PTDSS1: variants seen among roughly 807,000 people sequenced by gnomAD.
The protein encoded by PTDSS1 is phosphatidylserine synthase 1.
Under a neutral mutation model 70.5 loss-of-function variants are expected in PTDSS1, and 45 were observed. The ratio of observed to expected loss-of-function variants is 0.64; its 90% CI spans 0.50 to 0.82. PTDSS1 has a LOEUF of 0.82. Ranked by LOEUF, PTDSS1 falls within the 40% of genes least tolerant of loss-of-function variation. The probability of loss-of-function intolerance (pLI) is 0.00; values close to 1 mark genes in which losing one functional copy is unlikely to be tolerated. For synonymous variants in PTDSS1, 188 were observed against 203.8 expected (o/e 0.92, Z 0.66); for missense variants, 417 against 586.1 (o/e 0.71, Z 2.98).
chr8:96,323,822 T>C (rs1811403907), intron 10 of PTDSS1, among the ~76,000 whole-genome samples: 2 of 152,250 alleles, frequency 1.3e-5, no homozygotes, highest in South Asian at 4.1e-4. Context: ...CCTTAGTGTT[T>C]GGAATATGCT....
At chr8:96,266,005 A>G (rs184052868) in intron 1 of PTDSS1, among the ~76,000 whole-genome samples, 1 of 152,380 alleles carries the variant, frequency 6.6e-6, no homozygotes, top group East Asian at 1.9e-4. Flanking sequence ...TAGGGCAAGG[A>G]AAACTTTTGT....
At chr8:96,312,627 G>A (rs771827288) in intron 9 of PTDSS1, among the ~76,000 whole-genome samples, 8 of 152,114 alleles carry the variant, frequency 5.3e-5, no homozygotes, top group African/African-American at 9.7e-5. Flanking sequence ...GAGAACTCCC[G>A]GAACAGTGTG....
intron 8 of PTDSS1, 181 bp from the exon 9 acceptor site, chr8:96,309,376 T>C (rs1280477949): frequency 4.0e-6 from 2 of 505,052 alleles, no homozygotes; most frequent in Non-Finnish European, 7.1e-6. Context: ...ACCCAAACGC[T>C]GAATCTCTTA....
At chr8:96,306,350 C>A in intron 7 of PTDSS1, 94 bp from the exon 8 acceptor site, 1 of 924,060 alleles carries the variant, frequency 1.1e-6, no homozygotes, top group Non-Finnish European at 1.7e-6. Context: ...TTGAACATAC[C>A]AATTATTTCT....
At chr8:96,303,387 T>G (rs1322436260) in intron 6 of PTDSS1, among the ~76,000 whole-genome samples, 1 of 152,320 alleles carries the variant, frequency 6.6e-6, no homozygotes, top group East Asian at 1.9e-4. Context: ...TGCTTGTGCC[T>G]CCAACCACTT....
intron 4 of PTDSS1, among the ~76,000 whole-genome samples, chr8:96,292,194 G>A (rs1468479276): frequency 2.6e-5 from 4 of 150,950 alleles, no homozygotes; most frequent in African/African-American, 7.3e-5. Context: ...CAGCTACTCG[G>A]GAGGCTGAGA....
At chr8:96,306,796 G>T (rs1586200572) in intron 8 of PTDSS1, among the ~76,000 whole-genome samples, 2 of 152,170 alleles carry the variant, frequency 1.3e-5, no homozygotes, top group African/African-American at 4.8e-5. Context: ...ATTATTATCA[G>T]ATTCCTTTAC....
rs1157784907 is a variant in PTDSS1 at position 96,320,405 on chromosome 8, G to A, written c.1173+60G>A. On this transcript the variant is annotated intron_variant, in intron 10 of 12. Transcript: ENST00000517309. The stretch of plus-strand genomic sequence containing the variant: ...AAACTCTCATAGTATCACTTTAAAC[G>A]GAGGGGGGCAAAGAAACCCTCTTGT... 14 of 1,394,356 alleles carry A rather than the reference G, an allele frequency of 1.0e-5. No individual in the cohort carries two copies. In the South Asian group the frequency reaches 1.1e-4, roughly 11 times the overall value. The allele number at this position is 1,394,356 out of a possible 1,614,324, so 86.4% of individuals were successfully genotyped here. A position where few individuals can be genotyped will look rare whatever the true frequency, so the allele number is the denominator to read the frequency against.
At chr8:96,317,477 G>C (rs1811311731) in intron 9 of PTDSS1, among the ~76,000 whole-genome samples, 1 of 152,160 alleles carries the variant, frequency 6.6e-6, no homozygotes, top group Non-Finnish European at 1.5e-5. Context: ...GCTCATACCT[G>C]TAATCCTAGC....
chr8:96,311,029 G>A (rs773001261), intron 9 of PTDSS1, among the ~76,000 whole-genome samples: 13 of 152,160 alleles, frequency 8.5e-5, no homozygotes, highest in Non-Finnish European at 1.6e-4. Context: ...GCCTCCCAAA[G>A]TGCTGGGATT....
At position 96,287,039 on chromosome 8, in the gene PTDSS1, T is replaced by G. The variant is rs1275425796; in HGVS notation, c.334T>G (p.Phe112Val). 1 of 1,614,104 alleles carries G rather than the reference T, an allele frequency of 6.2e-7. No individual in the cohort carries two copies. The highest frequency in any genetic ancestry group is 2.2e-5 in the East Asian group (1 of 44,880). ...RMVFGLSVLY[F>V]LFLVFLLFLN... ...TCTCTCAGGACTCAGTGTGCTCTAC[T>G]TCCTGTTCCTGGTATTCCTACTCTT... Residue 112 changes from phenylalanine (F) to valine (V), a missense_variant, in exon 4 of 13, where the codon TTC becomes GTC. This residue lies in a region of PTDSS1 where 272 missense variants were observed against 429.5 expected (regional missense o/e 0.63). Coordinates refer to ENST00000517309, the MANE Select transcript of PTDSS1 (RefSeq NM_014754.3).
At chr8:96,288,328 A>C (rs1346986314) in intron 4 of PTDSS1, among the ~76,000 whole-genome samples, 2 of 152,026 alleles carry the variant, frequency 1.3e-5, no homozygotes, top group Non-Finnish European at 2.9e-5. Flanking sequence ...TCGCATAGGC[A>C]TGATCTTTTT....
intron 5 of PTDSS1, 109 bp downstream of exon 5, chr8:96,295,365 G>A (rs551563502): frequency 5.8e-6 from 7 of 1,215,836 alleles, no homozygotes; most frequent in East Asian, 2.8e-5. Context: ...CAGCCCCTGT[G>A]GTACAAAACA....
rs115532941 is a variant in PTDSS1, at chr8:96,293,087, C to G, written c.442-2011C>G. On this transcript the variant is annotated intron_variant, in intron 4 of 12. Coordinates refer to ENST00000517309, the MANE Select transcript of PTDSS1 (RefSeq NM_014754.3). ...TCTTCCCACCTCCTGCCCCAGACAC[C>G]CTTACACACATGCATGCACGTTCCG... Among the ~76,000 whole-genome samples the G allele has an allele frequency of 4.8e-3, 727 of 152,306 alleles. 2 individuals are homozygous for G. The highest frequency in any genetic ancestry group is 0.014 in the African/African-American group (582 of 41,570).
intron 2 of PTDSS1, among the ~76,000 whole-genome samples, chr8:96,274,082 A>C (rs1024921471): frequency 6.6e-6 from 1 of 151,204 alleles, no homozygotes; most frequent in Non-Finnish European, 1.5e-5. Context: ...TTTCCACTAG[A>C]ATATTCTCTA....
Position 96,299,771 on chromosome 8 carries a change from T to C in PTDSS1, c.678T>C (p.Asn226=), listed in dbSNP as rs1322766805. The change falls in exon 6 of 13, where the codon AAT becomes AAC. Residue 226 remains asparagine, a synonymous_variant. Coordinates refer to ENST00000517309, the MANE Select transcript of PTDSS1 (RefSeq NM_014754.3). ...DQVILDILLC[N]GGGIWLGMVV... ...TCATTCTGGACATCCTGTTGTGCAA[T>C]GGCGGTGGCATTTGGCTGGGCATGG... The C allele has an allele frequency of 1.2e-6, 2 of 1,614,202 alleles. No individual in the cohort carries two copies. Among genetic ancestry groups the C allele is most frequent in the Non-Finnish European group, 8.5e-7 (1 of 1,180,034 alleles).
rs114865090 is a variant in PTDSS1 at position 96,308,339 on chromosome 8, A to G, written c.1008-1218A>G. Among the ~76,000 whole-genome samples, 1,131 of 152,362 alleles carry G rather than the reference A, an allele frequency of 7.4e-3. 11 individuals carry two copies. Among genetic ancestry groups the G allele is most frequent in the African/African-American group, 0.025 (1,039 of 41,582 alleles). ...AGTTAGAGGAAAAGCTACATTCTTT[A>G]TAATTAGAATTCTTCACTCTGGTCT... is the stretch of plus-strand genomic sequence containing the variant. On this transcript the variant is annotated intron_variant, in intron 8 of 12. Coordinates refer to ENST00000517309, the MANE Select transcript of PTDSS1 (RefSeq NM_014754.3).
chr8:96,330,867 T>A (rs1811505524), intron 11 of PTDSS1, 159 bp from the exon 12 acceptor site: 3 of 602,548 alleles, frequency 5.0e-6, no homozygotes, highest in Non-Finnish European at 8.8e-6. Context: ...AGAACCTTGT[T>A]TTTATAGCAG....
At chr8:96,286,502 C>T (rs1045467940) in intron 3 of PTDSS1, among the ~76,000 whole-genome samples, 78 of 152,336 alleles carry the variant, frequency 5.1e-4, no homozygotes, top group African/African-American at 1.7e-3. Context: ...GCCTTGCCCT[C>T]CTCCAGTCCA....
Sources: allele counts gnomAD v4.1 joint callset (sites outside exome capture counted in the v4.1 genomes callset), GRCh38; gene constraint gnomAD v4.1.1; regional missense constraint gnomAD v4.1.1; transcripts MANE v1.5; gene names NCBI Gene and HGNC (gene_info 2026-07-23, HGNC 2026-07-21).